PLA2R1: variants seen among roughly 807,000 people sequenced by gnomAD.
The protein encoded by PLA2R1 is phospholipase A2 receptor 1, also known as secretory phospholipase A2 receptor.
A neutral mutation model predicts 195.9 loss-of-function variants in PLA2R1; 158 were observed. The ratio of observed to expected loss-of-function variants is 0.81; its 90% CI spans 0.71 to 0.92. PLA2R1 has a LOEUF of 0.92. Ranked by LOEUF, PLA2R1 falls within the 40% of genes least tolerant of loss-of-function variation. The pLI is 0.00. For missense variants in PLA2R1, 1,626 were observed against 1,764.6 expected (o/e 0.92, Z 1.41); for synonymous variants, 586 against 598.2 (o/e 0.98, Z 0.30).
At chr2:160,040,385 T>A (rs1344193962) in intron 3 of PLA2R1, among the ~76,000 whole-genome samples, 3 of 152,178 alleles carry the variant, frequency 2.0e-5, no homozygotes, top group South Asian at 2.1e-4. Flanking sequence ...TCCATTGCGA[T>A]TGACCAATAG....
At chr2:160,025,994 A>G (rs1388862212) in intron 6 of PLA2R1, among the ~76,000 whole-genome samples, 1 of 152,172 alleles carries the variant, frequency 6.6e-6, no homozygotes, top group Non-Finnish European at 1.5e-5. Context: ...TTTTTGATAA[A>G]TGAGCAGACT....
intron 10 of PLA2R1, 61 bp from the exon 11 acceptor site, chr2:160,005,882 A>ATGCTTTAATGAC: frequency 8.4e-7 from 1 of 1,195,094 alleles, no homozygotes; most frequent in Non-Finnish European, 1.2e-6. Flanking sequence ...AAATGTCATT[A>ATGCTTTAATGAC]AAGCATAATG....
intron 12 of PLA2R1, among the ~76,000 whole-genome samples, 165 bp from the exon 13 acceptor site, chr2:159,984,238 C>T (rs1343938482): frequency 2.6e-5 from 4 of 152,106 alleles, no homozygotes; most frequent in Non-Finnish European, 5.9e-5. Flanking sequence ...TGTGCCTAGT[C>T]ATCATAAAAC....
intron 11 of PLA2R1, among the ~76,000 whole-genome samples, chr2:159,992,081 C>T (rs1324930934): frequency 2.9e-5 from 4 of 140,234 alleles, no homozygotes; most frequent in Non-Finnish European, 4.7e-5. Context: ...GTCCCACCAA[C>T]AGTGTAAAAG....
At chr2:159,981,871 G>A (rs1689978360) in intron 13 of PLA2R1, among the ~76,000 whole-genome samples, 1 of 152,132 alleles carries the variant, frequency 6.6e-6, no homozygotes, top group South Asian at 2.1e-4. Flanking sequence ...TAGAAACTGA[G>A]TCTCACTATG....
At chr2:160,024,473 G>A (rs1210119773) in intron 6 of PLA2R1, among the ~76,000 whole-genome samples, 4 of 152,152 alleles carry the variant, frequency 2.6e-5, no homozygotes, top group Non-Finnish European at 5.9e-5. Context: ...GTGTGCTGAA[G>A]TGGCACCCTG....
chr2:159,982,626 G>A (rs1690034356), intron 13 of PLA2R1, among the ~76,000 whole-genome samples: 1 of 152,202 alleles, frequency 6.6e-6, no homozygotes, highest in Non-Finnish European at 1.5e-5. Flanking sequence ...CTCACATGGA[G>A]AGATGTCAAA....
At chr2:159,926,089 C>A in the PLA2R1 span, among the ~76,000 whole-genome samples, 164 of 152,274 alleles carry the variant, frequency 1.1e-3, no homozygotes, top group Non-Finnish European at 1.7e-3. Context: ...CTTTTAATGT[C>A]CTGCTGACAC....
At position 159,951,443 on chromosome 2, in the gene PLA2R1, T is replaced by TAG. The variant is rs1202124201; in HGVS notation, c.3436_3437insCT (p.Lys1146ThrfsTer24). The TAG allele has an allele frequency of 1.1e-5, 17 of 1,613,568 alleles. No homozygotes were observed. The highest frequency in any genetic ancestry group is 1.4e-5 in the Non-Finnish European group (16 of 1,179,598). ...GTCTGTGATGCTGACCAGTTGTGCTTTGTGCATCAGGCAGGTTTTTATTGC... is the reference window on the plus strand; with the variant it reads ...GTCTGTGATGCTGACCAGTTGTGCTTAGTGTGCATCAGGCAGGTTTTTATTGC... On this transcript the variant is annotated frameshift_variant, in exon 24 of 30. Transcript: ENST00000283243. LOFTEE classifies it high-confidence loss of function.
intron 1 of PLA2R1, among the ~76,000 whole-genome samples, chr2:160,061,868 T>C (rs1016370372): frequency 6.6e-6 from 1 of 152,198 alleles, no homozygotes; most frequent in Non-Finnish European, 1.5e-5. Context: ...ACGCAGACCC[T>C]GAGCGCTTGC....
At chr2:160,006,771 G>C (rs1167989630) in intron 10 of PLA2R1, among the ~76,000 whole-genome samples, 3 of 152,170 alleles carry the variant, frequency 2.0e-5, no homozygotes, top group African/African-American at 4.8e-5. Flanking sequence ...CATTACCCAG[G>C]AAACCTAAGG....
chr2:159,953,969 G>A (rs1052208702), intron 23 of PLA2R1, among the ~76,000 whole-genome samples: 1 of 152,142 alleles, frequency 6.6e-6, no homozygotes, highest in African/African-American at 2.4e-5. Flanking sequence ...TAGTAACTAG[G>A]ACTACAGGCA....
At chr2:159,948,184 TTATC>T (rs1687503809) in intron 25 of PLA2R1, among the ~76,000 whole-genome samples, 1 of 152,188 alleles carries the variant, frequency 6.6e-6, no homozygotes, top group African/African-American at 2.4e-5. Context: ...CTTGGTTTCT[TTATC>T]TATAAAAGAG....
At chr2:160,039,413 C>T (rs1173632395) in intron 3 of PLA2R1, among the ~76,000 whole-genome samples, 8 of 151,974 alleles carry the variant, frequency 5.3e-5, no homozygotes, top group East Asian at 3.9e-4. Flanking sequence ...CATCCTTCAC[C>T]GCTAGTATAT....
chr2:160,061,899 G>C (rs1239401195), intron 1 of PLA2R1, among the ~76,000 whole-genome samples: 2 of 152,170 alleles, frequency 1.3e-5, no homozygotes, highest in Non-Finnish European at 2.9e-5. Flanking sequence ...GACGAACTGA[G>C]CCATCTTTTT....
At chr2:159,927,496 A>G (rs1560116633), downstream of PLA2R1, among the ~76,000 whole-genome samples, 1 of 152,030 alleles carries the variant, frequency 6.6e-6, no homozygotes, top group Non-Finnish European at 1.5e-5. Flanking sequence ...TCAAATGGGG[A>G]ACTTTGAATT....
At position 159,946,911 on chromosome 2, in the gene PLA2R1, T is replaced by G. The variant is rs773875506; in HGVS notation, c.3857A>C (p.Asn1286Thr). ...AGCCTCATCCTTGATTGTTAAAAGATTAGAACCTATAAGAGAGACAAGTAG... is the reference window on the plus strand; with the variant it reads ...AGCCTCATCCTTGATTGTTAAAAGAGTAGAACCTATAAGAGAGACAAGTAG... ...AHEFCKKEGSNLLTIKDEAEN... is the reference protein window; with the variant it reads ...AHEFCKKEGSTLLTIKDEAEN... The change falls in exon 27 of 30, where the codon AAT becomes ACT. Residue 1286 changes from asparagine to threonine, a missense_variant. Coordinates refer to ENST00000283243, the MANE Select transcript of PLA2R1 (RefSeq NM_007366.5). The G allele has an allele frequency of 7.5e-6, 12 of 1,594,934 alleles. No homozygotes were observed. Among genetic ancestry groups the G allele is most frequent in the Non-Finnish European group, 1.0e-5 (12 of 1,166,498 alleles).
intron 17 of PLA2R1, among the ~76,000 whole-genome samples, chr2:159,973,038 C>T (rs1689288800): frequency 6.6e-6 from 1 of 152,132 alleles, no homozygotes; most frequent in Non-Finnish European, 1.5e-5. Context: ...CTTAGGGAAG[C>T]TACACAAAGC....
intron 17 of PLA2R1, among the ~76,000 whole-genome samples, chr2:159,972,901 C>T (rs1007834897): frequency 6.6e-6 from 1 of 152,108 alleles, no homozygotes; most frequent in Non-Finnish European, 1.5e-5. Context: ...AAGATGGAAA[C>T]ATTTTATTAA....
Sources: allele counts gnomAD v4.1 joint callset (sites outside exome capture counted in the v4.1 genomes callset), GRCh38; gene constraint gnomAD v4.1.1; transcripts MANE v1.5; gene names NCBI Gene and HGNC (gene_info 2026-07-23, HGNC 2026-07-21).